Variants in MAP4K5 observed in about 807,000 individuals in gnomAD.
MAP4K5 encodes MAPK/ERK kinase kinase kinase 5.
Under a neutral mutation model 135.6 loss-of-function variants are expected in MAP4K5, and 82 were observed. The ratio of observed to expected loss-of-function variants is 0.60; its 90% confidence interval spans 0.51 to 0.73. The LOEUF is 0.73. Ranked by LOEUF, MAP4K5 falls within the 30% of genes least tolerant of loss-of-function variation. MAP4K5 has a pLI of 0.00. For missense variants in MAP4K5, 907 were observed against 1,010.9 expected (o/e 0.90, Z 1.39); for synonymous variants, 347 against 335.0 (o/e 1.04, Z -0.39).
chr14:50,454,433 G>A (rs1465001418), intron 14 of MAP4K5, among the ~76,000 whole-genome samples: 4 of 152,042 alleles, frequency 2.6e-5, no homozygotes, highest in Admixed American at 6.6e-5. Flanking sequence ...GCATTTTACT[G>A]TATGTAAGCT....
chr14:50,437,367 A>T, intron 26 of MAP4K5, 109 bp downstream of exon 26: 2 of 838,706 alleles, frequency 2.4e-6, no homozygotes, highest in Non-Finnish European at 3.7e-6. Context: ...ACTAAACACA[A>T]ATTTTAAAAA....
chr14:50,420,557 G>A (rs1490832183), intron 32 of MAP4K5, among the ~76,000 whole-genome samples: 7 of 152,218 alleles, frequency 4.6e-5, no homozygotes, highest in African/African-American at 1.4e-4. Context: ...CCTTGAGCCC[G>A]GGAGTTTGAG....
At chr14:50,510,712 A>G (rs935335732) in intron 2 of MAP4K5, among the ~76,000 whole-genome samples, 70 of 152,348 alleles carry the variant, frequency 4.6e-4, no homozygotes, top group African/African-American at 1.6e-3. Context: ...CAAAAGTAAG[A>G]TTTTGTGGTA....
chr14:50,514,082 G>C (rs1222758443), intron 2 of MAP4K5, among the ~76,000 whole-genome samples: 2 of 151,976 alleles, frequency 1.3e-5, no homozygotes, highest in Non-Finnish European at 2.9e-5. Flanking sequence ...GTTTTGTTTT[G>C]TTTTTGTTTT....
At chr14:50,546,379 TGC>T (rs1429648044) in intron 1 of MAP4K5, among the ~76,000 whole-genome samples, 11 of 151,994 alleles carry the variant, frequency 7.2e-5, no homozygotes, top group African/African-American at 2.4e-4. Flanking sequence ...TGTGTGTGTG[TGC>T]GTGTGTGTGT....
intron 1 of MAP4K5, among the ~76,000 whole-genome samples, chr14:50,549,438 C>T (rs890885761): frequency 6.6e-6 from 1 of 152,168 alleles, no homozygotes; most frequent in Non-Finnish European, 1.5e-5. Context: ...CATACATAAA[C>T]CCATACAACC....
intron 4 of MAP4K5, 168 bp downstream of exon 4, chr14:50,485,936 T>C (rs1221509719): frequency 1.8e-6 from 1 of 543,130 alleles, no homozygotes; most frequent in African/African-American, 2.0e-5. Flanking sequence ...AGTACCATTA[T>C]TAATATGTAA....
At chr14:50,480,403 CT>C (rs11412178) in intron 6 of MAP4K5, among the ~76,000 whole-genome samples, 52 of 143,356 alleles carry the variant, frequency 3.6e-4, no homozygotes, top group East Asian at 1.6e-3. Context: ...CTCATTCTTT[CT>C]TTTTTTTTTT....
At chr14:50,468,483 TACCTTCGGA>T in intron 10 of MAP4K5, 159 bp downstream of exon 10, 1 of 604,208 alleles carries the variant, frequency 1.7e-6, no homozygotes, top group African/African-American at 1.9e-5. Flanking sequence ...TTGAGGTAAC[TACCTTCGGA>T]CTAGCCCACA....
At chr14:50,466,469 A>T in intron 11 of MAP4K5, 114 bp downstream of exon 11, 1 of 456,514 alleles carries the variant, frequency 2.2e-6, no homozygotes. Flanking sequence ...TGTAACTTTG[A>T]GAAAACTGCT....
chr14:50,527,157 G>A (rs1329459586), intron 2 of MAP4K5, among the ~76,000 whole-genome samples: 2 of 152,084 alleles, frequency 1.3e-5, no homozygotes, highest in African/African-American at 4.8e-5. Flanking sequence ...TAGTCAACCT[G>A]GTGAAACCCC....
At chr14:50,500,186 A>G (rs12886222) in intron 3 of MAP4K5, among the ~76,000 whole-genome samples, 31,073 of 152,134 alleles carry the variant, frequency 0.2, 3,819 homozygotes, top group East Asian at 0.53. Flanking sequence ...AGGATAGATA[A>G]TCGCTATTCT....
At chr14:50,477,549 G>A (rs559219144) in intron 6 of MAP4K5, among the ~76,000 whole-genome samples, 2 of 152,202 alleles carry the variant, frequency 1.3e-5, no homozygotes, top group African/African-American at 4.8e-5. Context: ...ACCCTGTTTG[G>A]GTGAGCCTGG....
chr14:50,442,941 A>T, intron 20 of MAP4K5, 125 bp from the exon 21 acceptor site: 1 of 583,842 alleles, frequency 1.7e-6, no homozygotes, highest in Non-Finnish European at 3.0e-6. Context: ...GTTTCATTCC[A>T]AAACAAAATT....
chr14:50,431,489 G>A (rs2035968882), intron 28 of MAP4K5, among the ~76,000 whole-genome samples: 3 of 152,058 alleles, frequency 2.0e-5, no homozygotes, highest in Non-Finnish European at 4.4e-5. Context: ...ACCTATGAGT[G>A]AGAATATGTG....
chr14:50,539,078 T>C (rs966276170), intron 2 of MAP4K5, among the ~76,000 whole-genome samples: 5 of 152,250 alleles, frequency 3.3e-5, no homozygotes, highest in African/African-American at 1.2e-4. Context: ...TTAGAATTAG[T>C]CTCAGAAAAG....
At chr14:50,438,054 G>C (rs2036138088) in intron 24 of MAP4K5, 38 bp downstream of exon 24, 2 of 1,043,164 alleles carry the variant, frequency 1.9e-6, no homozygotes, top group Non-Finnish European at 3.0e-6. Context: ...ATTTACAGCA[G>C]AGAAATACAA....
At position 50,513,716 on chromosome 14, in the gene MAP4K5, C is replaced by G. The variant is rs138024156; in HGVS notation, c.109-8859G>C. Among the ~76,000 whole-genome samples the G allele has an allele frequency of 1.1e-4, 16 of 152,298 alleles. No individual in the cohort carries two copies. The East Asian group carries it at 3.1e-3, about 29-fold the overall frequency. On this transcript the variant is annotated intron_variant, in intron 2 of 32. Transcript: ENST00000682126. ...TCACATTGGGTCTCTCATCCTACCC[C>G]AGACAACTTTCTCCCAGCACATTCT... is the stretch of plus-strand genomic sequence containing the variant.
chr14:50,440,563 A>G (rs987688188), intron 21 of MAP4K5, 122 bp from the exon 22 acceptor site: 4 of 537,340 alleles, frequency 7.4e-6, no homozygotes, highest in Admixed American at 7.4e-5. Flanking sequence ...AAATAAAATT[A>G]TTTTCTTAAA....
Sources: allele counts gnomAD v4.1 joint callset (sites outside exome capture counted in the v4.1 genomes callset), GRCh38; gene constraint gnomAD v4.1.1; transcripts MANE v1.5; gene names NCBI Gene and HGNC (gene_info 2026-07-23, HGNC 2026-07-21).